SH3KBP1: variants seen among roughly 807,000 people sequenced by gnomAD.
SH3KBP1 encodes SH3 domain-containing kinase-binding protein 1.
SH3KBP1 carries 8 observed loss-of-function variants against 50.1 expected under a neutral mutation model. That is an observed-to-expected ratio of 0.16 (90% confidence interval 0.09 to 0.29). The LOEUF is 0.29. Among genes scored for constraint, SH3KBP1 ranks in the 10% least tolerant of loss-of-function variants. SH3KBP1 has a pLI of 1.00. For missense variants in SH3KBP1, 377 were observed against 535.2 expected, an observed-to-expected ratio of 0.70 and a Z score of 2.92; for synonymous variants, 227 against 218.6, an observed-to-expected ratio of 1.04 and a Z score of -0.34.
chrX:19,615,532 C>T (rs1224265696), intron 8 of SH3KBP1, among the ~76,000 whole-genome samples: 1 of 112,135 alleles, frequency 8.9e-6, no homozygotes, highest in Non-Finnish European at 1.9e-5. Flanking sequence ...TGCTAATGAA[C>T]GCCTTCTGCA....
chrX:19,869,002 G>T (rs183826817), intron 1 of SH3KBP1, among the ~76,000 whole-genome samples: 3 of 110,614 alleles, frequency 2.7e-5, no homozygotes, highest in African/African-American at 9.9e-5. Context: ...GTAATCACAC[G>T]GATCTTTAAA....
intron 10 of SH3KBP1, among the ~76,000 whole-genome samples, chrX:19,594,504 G>A (rs1407196341): frequency 1.8e-5 from 2 of 111,898 alleles, no homozygotes; most frequent in Non-Finnish European, 3.8e-5. Context: ...TTAACCACAT[G>A]GGACAGATAT....
chrX:19,851,449 G>A (rs1443377597), intron 1 of SH3KBP1, among the ~76,000 whole-genome samples: 1 of 113,050 alleles, frequency 8.8e-6, no homozygotes, highest in East Asian at 2.8e-4. Flanking sequence ...GAAAGCTACA[G>A]GAGGACAGAC....
chrX:19,779,595 A>C, intron 2 of SH3KBP1, among the ~76,000 whole-genome samples: 1 of 68,148 alleles, frequency 1.5e-5, no homozygotes, highest in Non-Finnish European at 2.6e-5. Flanking sequence ...ACCCCACAAC[A>C]GGCCCCAGAG....
chrX:19,609,899 C>T (rs2067359477), intron 8 of SH3KBP1, among the ~76,000 whole-genome samples: 1 of 112,140 alleles, frequency 8.9e-6, no homozygotes, highest in Non-Finnish European at 1.9e-5. Flanking sequence ...AGGATGGCCT[C>T]TATCTGCCTA....
intron 6 of SH3KBP1, among the ~76,000 whole-genome samples, chrX:19,680,564 C>T (rs2063026599): frequency 9.0e-6 from 1 of 111,060 alleles, no homozygotes; most frequent in African/African-American, 3.3e-5. Context: ...AATGCTATCA[C>T]GCAAGATCCA....
intron 12 of SH3KBP1, among the ~76,000 whole-genome samples, chrX:19,571,664 T>C (rs750689918): frequency 9.0e-6 from 1 of 111,545 alleles, no homozygotes; most frequent in Non-Finnish European, 1.9e-5. Flanking sequence ...CCCAGAAGGA[T>C]TGGGTGCTGC....
intron 2 of SH3KBP1, among the ~76,000 whole-genome samples, chrX:19,781,975 A>T (rs1036662673): frequency 1.8e-5 from 2 of 111,552 alleles, no homozygotes; most frequent in African/African-American, 6.5e-5. Flanking sequence ...TCAAGGCCCC[A>T]TCCTGAATTG....
intron 4 of SH3KBP1, among the ~76,000 whole-genome samples, chrX:19,704,076 G>A (rs750101959): frequency 1.3e-4 from 14 of 111,622 alleles, no homozygotes; most frequent in African/African-American, 4.2e-4. Context: ...TGGAACAATG[G>A]GGAGTTTTTG....
intron 4 of SH3KBP1, among the ~76,000 whole-genome samples, chrX:19,705,025 A>G (rs2063619569): frequency 8.9e-6 from 1 of 112,531 alleles, no homozygotes; most frequent in African/African-American, 3.2e-5. Context: ...GCTTCATAAT[A>G]CAGACATACA....
chrX:19,636,186 C>A (rs1205922062), intron 7 of SH3KBP1, among the ~76,000 whole-genome samples: 1 of 110,898 alleles, frequency 9.0e-6, no homozygotes, highest in Non-Finnish European at 1.9e-5. Flanking sequence ...ATTTATCCAG[C>A]AATTTGAGAT....
In SH3KBP1 at chrX:19,655,778, C is replaced by A. The variant is rs192907875; in HGVS notation, c.727-10303G>T. 2.3e-3 allele frequency among the ~76,000 whole-genome samples: 257 copies of A among 111,138 alleles called. 1 individual carries two copies. The highest frequency in any genetic ancestry group is 2.5e-3 in the Non-Finnish European group (132 of 53,035). ...CCAAACTCCAGTATTATGCAATATA[C>A]CCATGTAACAAACCTGCACATGTAC... On this transcript the variant is annotated intron_variant, in intron 6 of 17. Coordinates refer to ENST00000397821, the MANE Select transcript of SH3KBP1 (RefSeq NM_031892.3).
chrX:19,696,527 C>A (rs1394681645), intron 4 of SH3KBP1, among the ~76,000 whole-genome samples: 1 of 111,184 alleles, frequency 9.0e-6, no homozygotes, highest in Non-Finnish European at 1.9e-5. Flanking sequence ...ACTATGATAT[C>A]TGGATAAGGA....
chrX:19,574,795 A>C (rs1040588560), intron 12 of SH3KBP1, among the ~76,000 whole-genome samples: 3 of 112,423 alleles, frequency 2.7e-5, no homozygotes, highest in Non-Finnish European at 3.7e-5. Flanking sequence ...GCAGATCCCC[A>C]TGTATATGTC....
intron 2 of SH3KBP1, among the ~76,000 whole-genome samples, chrX:19,815,148 AAAC>A (rs1198978459): frequency 1.8e-5 from 2 of 111,564 alleles, no homozygotes. Context: ...ATTTAATGGA[AAAC>A]AACAAGGACA....
At chrX:19,574,679 T>G (rs752237948) in intron 12 of SH3KBP1, among the ~76,000 whole-genome samples, 1 of 112,488 alleles carries the variant, frequency 8.9e-6, no homozygotes, top group East Asian at 2.8e-4. Flanking sequence ...TTCTGTCACC[T>G]TGGGAGTGAG....
At chrX:19,692,208 T>C (rs781140463) in intron 5 of SH3KBP1, among the ~76,000 whole-genome samples, 1 of 111,569 alleles carries the variant, frequency 9.0e-6, no homozygotes, top group East Asian at 2.8e-4. Flanking sequence ...TCGTTGCAAT[T>C]CTTTCCTTGA....
At chrX:19,861,106 G>A (rs1444120200) in intron 1 of SH3KBP1, among the ~76,000 whole-genome samples, 1 of 111,795 alleles carries the variant, frequency 8.9e-6, no homozygotes, top group Non-Finnish European at 1.9e-5. Flanking sequence ...GCCAGGCGCG[G>A]TGGCTCACGC....
At chrX:19,774,499 G>A (rs1031846421) in intron 2 of SH3KBP1, among the ~76,000 whole-genome samples, 6 of 108,889 alleles carry the variant, frequency 5.5e-5, no homozygotes, top group Non-Finnish European at 7.6e-5. Context: ...GTGAAACCCC[G>A]TCTCTACTAA....
Sources: gnomAD v4.1 joint callset for allele counts (sites outside exome capture counted in the v4.1 genomes callset) on GRCh38, gnomAD v4.1.1 for gene constraint, MANE v1.5 for transcripts, NCBI Gene and HGNC (gene_info 2026-07-23, HGNC 2026-07-21) for gene names.